SCLT1: variants seen among roughly 807,000 people sequenced by gnomAD.
The protein encoded by SCLT1 is sodium channel-associated protein 1.
SCLT1 carries 78 observed loss-of-function variants against 112.8 expected under a neutral mutation model. The ratio of observed to expected loss-of-function variants is 0.69; its 90% CI spans 0.58 to 0.83. The LOEUF (loss-of-function observed/expected upper bound fraction) is 0.83, where lower values mean the gene tolerates loss of function less well. Ranked by LOEUF, SCLT1 falls within the 40% of genes least tolerant of loss-of-function variation. The pLI, the probability that SCLT1 is intolerant of heterozygous loss-of-function variation, is 0.00. For synonymous variants in SCLT1, 257 were observed against 254.7 expected (o/e 1.01, Z -0.09); for missense variants, 747 against 770.4 (o/e 0.97, Z 0.36).
chr4:128,955,550 ATTTAC>A (rs1432292662), intron 13 of SCLT1, among the ~76,000 whole-genome samples: 1 of 152,126 alleles, frequency 6.6e-6, no homozygotes, highest in Non-Finnish European at 1.5e-5. Flanking sequence ...TATTCATTAT[ATTTAC>A]TTTAGTCAAT....
chr4:129,068,573 A>G (rs770907821), intron 2 of SCLT1, among the ~76,000 whole-genome samples: 1 of 151,904 alleles, frequency 6.6e-6, no homozygotes, highest in African/African-American at 2.4e-5. Context: ...TATATCTTCT[A>G]TTGAGAATTG....
chr4:128,898,114 C>T (rs911233793), intron 18 of SCLT1, among the ~76,000 whole-genome samples: 91 of 152,060 alleles, frequency 6.0e-4, no homozygotes, highest in Non-Finnish European at 9.0e-4. Context: ...GACAGATCAA[C>T]GAGACAGAAA....
rs2125793584 is a variant in SCLT1, at chr4:129,093,155, G to C, written c.-52C>G. On this transcript the variant is annotated 5_prime_UTR_variant, in exon 1 of 21. Transcript: ENST00000281142. ...TCACCACCTTTACCTTCCTCTGAAA[G>C]ACAGAGAGCTTGCTGTGCGGGAAAA... 2 of 1,563,878 alleles carry C rather than the reference G, an allele frequency of 1.3e-6. No homozygotes were observed. The highest frequency in any genetic ancestry group is 1.1e-5 in the South Asian group (1 of 89,924).
rs571758148 is a variant in SCLT1, at chr4:129,064,088, G to A, written c.102+18218C>T. On this transcript the variant is annotated intron_variant, in intron 2 of 20. Transcript: ENST00000281142. ...GTGGTTGTCAAAATTGGTGCACTGT[G>A]GGGAGATGACAGTAGATAACACTTA... Among the ~76,000 whole-genome samples, 9 of 152,228 alleles carry A rather than the reference G, an allele frequency of 5.9e-5. No individual in the cohort carries two copies. In the South Asian group the frequency reaches 1.5e-3, roughly 25 times the overall value.
At chr4:128,943,343 A>G (rs1737873139) in intron 16 of SCLT1, among the ~76,000 whole-genome samples, 155 bp from the exon 17 acceptor site, 1 of 152,168 alleles carries the variant, frequency 6.6e-6, no homozygotes, top group Admixed American at 6.5e-5. Context: ...TCAAAATGTT[A>G]TGTTATACCA....
At chr4:129,013,411 C>T (rs1313484345) in intron 5 of SCLT1, among the ~76,000 whole-genome samples, 2 of 152,126 alleles carry the variant, frequency 1.3e-5, no homozygotes, top group Admixed American at 6.5e-5. Context: ...TGTCACTGGT[C>T]TGTGTACTTC....
chr4:128,909,758 C>T (rs763600836), intron 18 of SCLT1, among the ~76,000 whole-genome samples: 4 of 152,142 alleles, frequency 2.6e-5, no homozygotes, highest in Non-Finnish European at 5.9e-5. Context: ...CGAGGGCTGG[C>T]CAAGCACTTT....
chr4:129,074,340 G>A (rs917459746), intron 2 of SCLT1, among the ~76,000 whole-genome samples: 12 of 152,112 alleles, frequency 7.9e-5, no homozygotes, highest in Admixed American at 2.0e-4. Context: ...AAGAAAATAC[G>A]AACCTAAGAA....
intron 5 of SCLT1, among the ~76,000 whole-genome samples, chr4:129,013,695 C>G (rs1386213785): frequency 1.3e-5 from 2 of 152,208 alleles, no homozygotes; most frequent in East Asian, 3.9e-4. Context: ...AATGATCTTC[C>G]CTTTGTAGGT....
At chr4:129,075,058 G>GA (rs1751344107) in intron 2 of SCLT1, among the ~76,000 whole-genome samples, 1 of 151,930 alleles carries the variant, frequency 6.6e-6, no homozygotes, top group Non-Finnish European at 1.5e-5. Flanking sequence ...GTGTATCACA[G>GA]AAAAAAATGT....
intron 18 of SCLT1, among the ~76,000 whole-genome samples, chr4:128,906,946 G>C (rs1476035731): frequency 6.6e-6 from 1 of 152,178 alleles, no homozygotes; most frequent in Non-Finnish European, 1.5e-5. Context: ...GGTTAGAGCT[G>C]TCTCTTCAGA....
At chr4:128,987,950 A>C (rs1166506627) in intron 9 of SCLT1, among the ~76,000 whole-genome samples, 1 of 152,174 alleles carries the variant, frequency 6.6e-6, no homozygotes, top group Non-Finnish European at 1.5e-5. Context: ...AGAGAAGCAA[A>C]TAATATGTAA....
rs145275512 is a variant in SCLT1, at chr4:129,067,103, T to C, written c.102+15203A>G. 5.4e-3 allele frequency among the ~76,000 whole-genome samples: 822 copies of C among 152,280 alleles called. 8 individuals are homozygous for C. Among genetic ancestry groups the C allele is most frequent in the African/African-American group, 0.019 (773 of 41,580 alleles). On this transcript the variant is annotated intron_variant, in intron 2 of 20. Transcript: ENST00000281142. ...TAGTTTTATCTTCTATATTTTGATG[T>C]ATGCTTGAGGTATATAAATTTTTCA...
rs1733084278 is a variant in SCLT1 at position 128,888,761 on chromosome 4, A to G, written c.1922T>C (p.Ile641Thr). ...NEKVAENEKL[I>T]LEHQEKANRL... ...GTTGGCTTTTTCTTGATGCTCTAGAATTAGCTTTTCATTCTATTAAGGGGA... is the reference window on the plus strand; with the variant it reads ...GTTGGCTTTTTCTTGATGCTCTAGAGTTAGCTTTTCATTCTATTAAGGGGA... Residue 641 changes from isoleucine to threonine, a missense_variant, in exon 20 of 21, where the codon ATT (isoleucine) becomes ACT (threonine). Ile to Thr is a moderately conservative substitution (Grantham distance 89, BLOSUM62 -1). Transcript: ENST00000281142. 1.2e-6 allele frequency: 2 copies of G among 1,606,996 alleles called. No individual in the cohort carries two copies. The highest frequency in any genetic ancestry group is 1.7e-6 in the Non-Finnish European group (2 of 1,174,022).
intron 2 of SCLT1, among the ~76,000 whole-genome samples, chr4:129,079,843 G>A (rs770111092): frequency 6.6e-6 from 1 of 152,228 alleles, no homozygotes; most frequent in African/African-American, 2.4e-5. Context: ...GGACATCCAG[G>A]CATTTCCATA....
intron 2 of SCLT1, among the ~76,000 whole-genome samples, chr4:129,051,555 G>A (rs888737355): frequency 2.0e-5 from 3 of 151,930 alleles, no homozygotes; most frequent in Non-Finnish European, 2.9e-5. Context: ...AGGAATGCTT[G>A]GATTTTTGCA....
At chr4:128,887,974 A>T (rs531169153) in intron 20 of SCLT1, among the ~76,000 whole-genome samples, 52 of 152,292 alleles carry the variant, frequency 3.4e-4, no homozygotes, top group African/African-American at 1.2e-3. Flanking sequence ...CTGGTTTTAG[A>T]TAGGACATAA....
chr4:128,986,990 C>T (rs1742153278), intron 9 of SCLT1, among the ~76,000 whole-genome samples: 1 of 152,148 alleles, frequency 6.6e-6, no homozygotes, highest in Admixed American at 6.5e-5. Context: ...GAGACTTTGC[C>T]TGGTTACCCA....
intron 2 of SCLT1, among the ~76,000 whole-genome samples, chr4:129,063,162 G>T (rs1006063437): frequency 4.4e-4 from 67 of 152,248 alleles, no homozygotes; most frequent in African/African-American, 1.4e-3. Flanking sequence ...CAAGTGTAAT[G>T]CTAAAGCTCT....
Sources: gnomAD v4.1 joint callset for allele counts (sites outside exome capture counted in the v4.1 genomes callset) on GRCh38, gnomAD v4.1.1 for gene constraint, MANE v1.5 for transcripts, NCBI Gene and HGNC (gene_info 2026-07-23, HGNC 2026-07-21) for gene names.